The following LRRC8D variants were observed in gnomAD, a reference collection of about 807,000 sequenced individuals.
LRRC8D encodes leucine rich repeat containing 8 VRAC subunit D, also known as volume-regulated anion channel subunit LRRC8D.
In LRRC8D, 20 loss-of-function variants were observed where a neutral mutation model predicts 55.8. That is an observed-to-expected ratio of 0.36 (90% CI 0.25 to 0.52). The LOEUF is 0.52. Ranked by LOEUF, LRRC8D falls within the 20% of genes least tolerant of loss-of-function variation. The pLI is 0.93. For missense variants in LRRC8D, 651 were observed against 1,030.8 expected (o/e 0.63, Z 5.05); for synonymous variants, 352 against 377.0 (o/e 0.93, Z 0.77).
At chr1:89,909,658 A>G (rs1663081832) in intron 2 of LRRC8D, among the ~76,000 whole-genome samples, 1 of 152,000 alleles carries the variant, frequency 6.6e-6, no homozygotes, top group Admixed American at 6.5e-5. Context: ...TGAGGTCAGG[A>G]GATCGAGACC....
chr1:89,867,147 TC>T (rs140287133), intron 2 of LRRC8D, among the ~76,000 whole-genome samples: 1,720 of 152,264 alleles, frequency 0.011, 37 homozygotes, highest in African/African-American at 0.04. Context: ...AGAAACTCTG[TC>T]CCCAGTTAAC....
chr1:89,827,307 G>A (rs534922604), intron 1 of LRRC8D, among the ~76,000 whole-genome samples: 195 of 146,442 alleles, frequency 1.3e-3, no homozygotes, highest in Non-Finnish European at 2.0e-3. Flanking sequence ...CTGAGATCGC[G>A]CCATTGCACT....
chr1:89,843,143 A>G (rs1456414561), intron 1 of LRRC8D: 1 of 152,466 alleles, frequency 6.6e-6, no homozygotes, highest in Non-Finnish European at 1.5e-5. Context: ...GTGGCTATGA[A>G]CTTTAAAAAT....
chr1:89,868,408 A>G (rs1211751352), intron 2 of LRRC8D, among the ~76,000 whole-genome samples: 2 of 152,148 alleles, frequency 1.3e-5, no homozygotes, highest in Admixed American at 6.5e-5. Flanking sequence ...AGATTATGCA[A>G]ATTTCTTCAA....
intron 2 of LRRC8D, among the ~76,000 whole-genome samples, chr1:89,903,365 G>T (rs1557476639): frequency 6.6e-6 from 1 of 152,124 alleles, no homozygotes; most frequent in Non-Finnish European, 1.5e-5. Context: ...AATATATTAG[G>T]TTATATCTCT....
At chr1:89,928,551 A>G (rs1223885829) in intron 2 of LRRC8D, among the ~76,000 whole-genome samples, 1 of 152,124 alleles carries the variant, frequency 6.6e-6, no homozygotes. Context: ...GGAAGAGAGG[A>G]GCTCATCTGA....
At chr1:89,896,712 C>A (rs529402639) in intron 2 of LRRC8D, among the ~76,000 whole-genome samples, 1 of 152,328 alleles carries the variant, frequency 6.6e-6, no homozygotes, top group South Asian at 2.1e-4. Context: ...CGCCATATCA[C>A]ACTAGTGATG....
chr1:89,922,911 T>G (rs1290750684), intron 2 of LRRC8D, among the ~76,000 whole-genome samples: 1 of 152,242 alleles, frequency 6.6e-6, no homozygotes, highest in Non-Finnish European at 1.5e-5. Context: ...ATTTGAAGTA[T>G]ATAATTCAGT....
At chr1:89,856,444 T>C (rs960816742) in intron 2 of LRRC8D, among the ~76,000 whole-genome samples, 2 of 152,230 alleles carry the variant, frequency 1.3e-5, no homozygotes, top group African/African-American at 4.8e-5. Flanking sequence ...AATGCTCTTA[T>C]GATTGGCAGA....
At chr1:89,925,046 C>T (rs998126977) in intron 2 of LRRC8D, among the ~76,000 whole-genome samples, 12 of 152,166 alleles carry the variant, frequency 7.9e-5, no homozygotes, top group African/African-American at 2.7e-4. Flanking sequence ...GGAACCGGGT[C>T]GCACAGCACC....
At chr1:89,884,941 A>T (rs1250968808) in intron 2 of LRRC8D, among the ~76,000 whole-genome samples, 1 of 152,172 alleles carries the variant, frequency 6.6e-6, no homozygotes, top group Non-Finnish European at 1.5e-5. Flanking sequence ...AGTCCCACTG[A>T]TATCATGCTT....
At chr1:89,839,253 G>T (rs913272906) in intron 1 of LRRC8D, among the ~76,000 whole-genome samples, 2 of 152,210 alleles carry the variant, frequency 1.3e-5, no homozygotes, top group African/African-American at 2.4e-5. Context: ...CAGGGCCTGT[G>T]AGGGTTTGTC....
intron 2 of LRRC8D, among the ~76,000 whole-genome samples, chr1:89,904,239 C>G (rs1407361740): frequency 6.6e-6 from 1 of 152,078 alleles, no homozygotes; most frequent in Non-Finnish European, 1.5e-5. Context: ...TTCGGGAATC[C>G]CCAGGCCCAG....
chr1:89,887,173 G>T (rs1011010588), intron 2 of LRRC8D, among the ~76,000 whole-genome samples: 1 of 152,174 alleles, frequency 6.6e-6, no homozygotes, highest in Admixed American at 6.5e-5. Context: ...ACAAAGAGCC[G>T]ATTTATCTGA....
At chr1:89,829,124 C>T (rs950455929) in intron 1 of LRRC8D, among the ~76,000 whole-genome samples, 1 of 152,220 alleles carries the variant, frequency 6.6e-6, no homozygotes, top group Non-Finnish European at 1.5e-5. Context: ...CCCCATGGTG[C>T]TTGCAATGGC....
chr1:89,836,340 AAAT>A (rs1165907638), intron 1 of LRRC8D, among the ~76,000 whole-genome samples: 12 of 152,252 alleles, frequency 7.9e-5, no homozygotes, highest in Non-Finnish European at 2.9e-5. Context: ...ATGCTTAAAA[AAAT>A]AATGTTAGTT....
At chr1:89,839,714 TGCTACCCCGGAGGTGAAGACAA>T (rs1316069317) in intron 1 of LRRC8D, among the ~76,000 whole-genome samples, 2 of 152,180 alleles carry the variant, frequency 1.3e-5, no homozygotes, top group African/African-American at 4.8e-5. Flanking sequence ...CTGTTGCATG[TGCTACCCCGGAGGTGAAGACAA>T]GGTAGGGACA....
intron 1 of LRRC8D, chr1:89,821,850 C>G (rs1461803499): frequency 6.6e-6 from 1 of 152,062 alleles, no homozygotes; most frequent in Non-Finnish European, 1.5e-5. Context: ...CCCCCCGCGC[C>G]TGTGGGAGGG....
At chr1:89,821,723 C>T (rs969896068) in intron 1 of LRRC8D, among the ~76,000 whole-genome samples, 2 of 152,088 alleles carry the variant, frequency 1.3e-5, no homozygotes, top group Non-Finnish European at 2.9e-5. Context: ...GCCCGGCGTC[C>T]AAAGGTGAGC....
Sources: allele counts gnomAD v4.1 joint callset (sites outside exome capture counted in the v4.1 genomes callset), GRCh38; gene constraint gnomAD v4.1.1; transcripts MANE v1.5; gene names NCBI Gene and HGNC (gene_info 2026-07-23, HGNC 2026-07-21).